Variants in DPEP1 observed in about 807,000 individuals in gnomAD.
DPEP1 encodes the protein dipeptidase 1, also known as beta-lactamase.
Under a neutral mutation model 42.3 loss-of-function variants are expected in DPEP1, and 50 were observed. The observed-to-expected ratio is 1.18, with a 90% confidence interval of 0.94 to 1.50. The LOEUF (loss-of-function observed/expected upper bound fraction) is 1.50, where lower values mean the gene tolerates loss of function less well. DPEP1 is among the 40% of genes most tolerant of loss of function. DPEP1 has a pLI of 0.00. For synonymous variants in DPEP1, 297 were observed against 234.0 expected, an observed-to-expected ratio of 1.27 and a Z score of -2.46; for missense variants, 663 against 553.0, an observed-to-expected ratio of 1.20 and a Z score of -1.99.
chr16:89,615,944 G>A (rs2059376060), intron 1 of DPEP1, among the ~76,000 whole-genome samples: 1 of 152,116 alleles, frequency 6.6e-6, no homozygotes. Context: ...AAAGGCGCAG[G>A]GCTCAGGCGT....
chr16:89,615,228 G>A (rs1408315130), intron 1 of DPEP1, among the ~76,000 whole-genome samples: 1 of 152,210 alleles, frequency 6.6e-6, no homozygotes, highest in African/African-American at 2.4e-5. Flanking sequence ...AGCTTCAGGG[G>A]GACGTAGGCT....
intron 2 of DPEP1, among the ~76,000 whole-genome samples, chr16:89,634,487 C>A (rs1179258985): frequency 1.3e-5 from 2 of 152,060 alleles, no homozygotes; most frequent in Non-Finnish European, 2.9e-5. Context: ...CCTCACTCAG[C>A]CACCAGCTCT....
intron 1 of DPEP1, among the ~76,000 whole-genome samples, chr16:89,616,638 T>G (rs116277392): frequency 8.1e-4 from 124 of 152,240 alleles, no homozygotes; most frequent in African/African-American, 2.7e-3. Flanking sequence ...CCTTGAAGTT[T>G]GTGATCAGGA....
intron 1 of DPEP1, among the ~76,000 whole-genome samples, chr16:89,622,430 A>G (rs1355389411): frequency 1.3e-5 from 2 of 152,204 alleles, no homozygotes; most frequent in Non-Finnish European, 2.9e-5. Context: ...GATGTGAGGT[A>G]AGGCACAAGC....
downstream of DPEP1, among the ~76,000 whole-genome samples, chr16:89,641,529 G>A (rs1047400923): frequency 1.2e-4 from 18 of 152,164 alleles, no homozygotes; most frequent in African/African-American, 4.3e-4. Flanking sequence ...AAAGAGTAAT[G>A]CCACAAACTG....
chr16:89,626,094 G>A (rs2059507701), intron 1 of DPEP1, among the ~76,000 whole-genome samples: 1 of 152,064 alleles, frequency 6.6e-6, no homozygotes, highest in Admixed American at 6.6e-5. Flanking sequence ...GCCACTGTGA[G>A]GCCCTGAGAG....
chr16:89,622,204 C>T (rs1479472293), intron 1 of DPEP1, among the ~76,000 whole-genome samples: 7 of 152,182 alleles, frequency 4.6e-5, no homozygotes, highest in Non-Finnish European at 1.0e-4. Flanking sequence ...CTTCTCTAAA[C>T]ATTAACTTTC....
At chr16:89,615,064 G>A (rs576409922) in intron 1 of DPEP1, among the ~76,000 whole-genome samples, 1 of 152,312 alleles carries the variant, frequency 6.6e-6, no homozygotes, top group East Asian at 1.9e-4. Flanking sequence ...GGGTGTCATG[G>A]GTGGAAGGGG....
chr16:89,614,225 G>C (rs935287060), intron 1 of DPEP1, among the ~76,000 whole-genome samples: 8 of 152,138 alleles, frequency 5.3e-5, no homozygotes, highest in Non-Finnish European at 1.0e-4. Flanking sequence ...GGACCCGCCA[G>C]GCCCTCCAGA....
At position 89,636,343 on chromosome 16, in the gene DPEP1, A is replaced by T. The variant is rs569391051; in HGVS notation, c.317A>T (p.His106Leu). The T allele has an allele frequency of 1.3e-5, 21 of 1,612,608 alleles. No homozygotes were observed. The African/African-American group carries it at 2.7e-4, about 20-fold the overall frequency. Residue 106 changes from histidine (H) to leucine (L), a missense_variant, in exon 4 of 11, where the codon CAC becomes CTC. By Grantham distance (99) the His-to-Leu change is moderately conservative (BLOSUM62 -3). Transcript: ENST00000690203. ...RRTLEQMDVVHRMCRMYPETF... is the reference protein window; with the variant it reads ...RRTLEQMDVVLRMCRMYPETF... ...ACGCTGGAGCAGATGGACGTGGTCC[A>T]CCGCATGTGCCGGATGTACCCGGAG...
intron 1 of DPEP1, among the ~76,000 whole-genome samples, chr16:89,623,728 A>T (rs1042848993): frequency 6.6e-6 from 1 of 152,122 alleles, no homozygotes; most frequent in Non-Finnish European, 1.5e-5. Context: ...GATAAGCAGG[A>T]AGAAAGCCAG....
rs374836330 is a variant in DPEP1, at chr16:89,621,809, C to T, written c.-107+8090C>T. Among the ~76,000 whole-genome samples the T allele has an allele frequency of 1.6e-3, 239 of 152,300 alleles. 3 individuals are homozygous for T. In the South Asian group the frequency reaches 0.033, roughly 21 times the overall value. ...CACATGTCTGTTCTAGGTACGCGGA[C>T]GTATCTGACCGTGTGGGCTTGCGAT... is the stretch of plus-strand genomic sequence containing the variant. On this transcript the variant is annotated intron_variant, in intron 1 of 10. Transcript: ENST00000690203.
downstream of DPEP1, among the ~76,000 whole-genome samples, chr16:89,639,803 G>A (rs908617478): frequency 2.0e-5 from 3 of 151,898 alleles, no homozygotes; most frequent in Admixed American, 6.6e-5. Flanking sequence ...CTCCTGTCTC[G>A]GCCTCCTGAG....
At chr16:89,629,219 C>T (rs1172120364) in intron 1 of DPEP1, among the ~76,000 whole-genome samples, 1 of 152,084 alleles carries the variant, frequency 6.6e-6, no homozygotes, top group Non-Finnish European at 1.5e-5. Context: ...TTTATCATGA[C>T]CTGGGCATGG....
At chr16:89,623,923 C>T (rs141292604) in intron 1 of DPEP1, among the ~76,000 whole-genome samples, 41 of 152,228 alleles carry the variant, frequency 2.7e-4, no homozygotes, top group Non-Finnish European at 1.5e-4. Context: ...GAAGTCGTGG[C>T]GCTCCGAGGA....
At position 89,637,925 on chromosome 16, in the gene DPEP1, G is replaced by C; in HGVS notation, c.1019G>C (p.Gly340Ala). 6 of 1,611,520 alleles carry C rather than the reference G, an allele frequency of 3.7e-6. No individual in the cohort carries two copies. Among genetic ancestry groups the C allele is most frequent in the Non-Finnish European group, 5.1e-6 (6 of 1,179,346 alleles). The change falls in exon 10 of 11, where the codon GGC becomes GCC. Residue 340 changes from glycine (G) to alanine (A), a missense_variant. Physicochemically the swap from Gly to Ala is moderately conservative, Grantham distance 60. Coordinates refer to ENST00000690203, the MANE Select transcript of DPEP1 (RefSeq NM_001389466.1). Reference sequence around the variant, plus strand: ...AACTGGACGGAGGCGGAGGTCAAGGGCGCACTGGCTGACAACCTGCTGAGG... The same window carrying C: ...AACTGGACGGAGGCGGAGGTCAAGGCCGCACTGGCTGACAACCTGCTGAGG... ...RRNWTEAEVKGALADNLLRVF... is the reference protein window; with the variant it reads ...RRNWTEAEVKAALADNLLRVF...
chr16:89,636,836 C>T (rs2059687209), intron 5 of DPEP1, 30 bp from the exon 6 acceptor site: 2 of 1,611,888 alleles, frequency 1.2e-6, no homozygotes, highest in Non-Finnish European at 8.5e-7. Flanking sequence ...CACCGCTCAC[C>T]TCTTGGGCAC....
chr16:89,621,283 G>C (rs2151480701), intron 1 of DPEP1, among the ~76,000 whole-genome samples: 1 of 151,988 alleles, frequency 6.6e-6, no homozygotes, highest in East Asian at 1.9e-4. Context: ...GATCAGAGTG[G>C]TGGGGGCAAC....
intron 1 of DPEP1, among the ~76,000 whole-genome samples, chr16:89,614,295 G>A (rs1189298554): frequency 2.0e-5 from 3 of 152,118 alleles, no homozygotes; most frequent in African/African-American, 4.8e-5. Flanking sequence ...CGCCCAGTGC[G>A]GTCCTAGGCA....
Sources: allele counts gnomAD v4.1 joint callset (sites outside exome capture counted in the v4.1 genomes callset), GRCh38; gene constraint gnomAD v4.1.1; transcripts MANE v1.5; gene names NCBI Gene and HGNC (gene_info 2026-07-23, HGNC 2026-07-21).